The following ENTREP2 variants were observed in gnomAD, a reference collection of about 807,000 sequenced individuals.
ENTREP2 encodes protein ENTREP2.
the ENTREP2 span, among the ~76,000 whole-genome samples, chr15:29,649,731 A>C: frequency 2.1e-4 from 31 of 150,106 alleles, no homozygotes; most frequent in Non-Finnish European, 3.7e-4. Flanking sequence ...CAACAACAAA[A>C]AAAAAAAAAA....
the ENTREP2 span, among the ~76,000 whole-genome samples, chr15:29,545,237 G>T: frequency 6.6e-6 from 1 of 152,128 alleles, no homozygotes. Flanking sequence ...GATACATAAT[G>T]CAATTATGGA....
chr15:29,599,369 A>G, the ENTREP2 span, among the ~76,000 whole-genome samples: 4 of 152,344 alleles, frequency 2.6e-5, no homozygotes, highest in South Asian at 8.3e-4. Flanking sequence ...GAGACAGACC[A>G]TGAGGTTCTG....
At chr15:29,649,005 A>T in the ENTREP2 span, among the ~76,000 whole-genome samples, 1 of 151,910 alleles carries the variant, frequency 6.6e-6, no homozygotes, top group South Asian at 2.1e-4. Context: ...GAGCCATCTC[A>T]AATAGTAGAA....
the ENTREP2 span, among the ~76,000 whole-genome samples, chr15:29,366,625 T>C: frequency 6.6e-6 from 1 of 152,096 alleles, no homozygotes; most frequent in Non-Finnish European, 1.5e-5. Context: ...CACTCATCTC[T>C]CCTCCATCAC....
the ENTREP2 span, among the ~76,000 whole-genome samples, chr15:29,401,311 C>T: frequency 1.3e-5 from 2 of 151,584 alleles, no homozygotes; most frequent in East Asian, 1.9e-4. Context: ...ACAAAGAGCT[C>T]GTATAAATTA....
At chr15:29,662,085 C>A in the ENTREP2 span, among the ~76,000 whole-genome samples, 1 of 151,712 alleles carries the variant, frequency 6.6e-6, no homozygotes, top group Non-Finnish European at 1.5e-5. Flanking sequence ...GTGGTGGGTG[C>A]CTAAAATCCC....
At chr15:29,213,602 G>A in the ENTREP2 span, among the ~76,000 whole-genome samples, 5 of 151,970 alleles carry the variant, frequency 3.3e-5, no homozygotes, top group African/African-American at 1.2e-4. Flanking sequence ...GTCTGTTATT[G>A]GTGTATAAGA....
chr15:29,525,678 G>C, the ENTREP2 span, among the ~76,000 whole-genome samples: 1 of 152,156 alleles, frequency 6.6e-6, no homozygotes, highest in Non-Finnish European at 1.5e-5. Flanking sequence ...ATAATATTCC[G>C]CAAAAGACAA....
At chr15:29,453,549 C>CCCTG in the ENTREP2 span, among the ~76,000 whole-genome samples, 1 of 152,212 alleles carries the variant, frequency 6.6e-6, no homozygotes, top group East Asian at 1.9e-4. Flanking sequence ...GGCCAGAGTG[C>CCCTG]CCTGGGCTGG....
the ENTREP2 span, chr15:29,269,477 C>G: frequency 6.2e-7 from 1 of 1,611,332 alleles, no homozygotes; most frequent in Non-Finnish European, 8.5e-7. Flanking sequence ...CTGGGCCCCA[C>G]GGCGGGGGCG....
chr15:29,268,690 C>A, the ENTREP2 span: 1 of 1,225,214 alleles, frequency 8.2e-7, no homozygotes, highest in Non-Finnish European at 1.1e-6. Flanking sequence ...GAAGCGTTTA[C>A]AGCAATATGC....
chr15:29,132,292 G>C, the ENTREP2 span, among the ~76,000 whole-genome samples: 4 of 152,174 alleles, frequency 2.6e-5, no homozygotes, highest in Non-Finnish European at 5.9e-5. Context: ...CTGGCGGCAC[G>C]GCCTTCCCTC....
chr15:29,176,156 C>T, the ENTREP2 span, among the ~76,000 whole-genome samples: 1 of 119,728 alleles, frequency 8.4e-6, no homozygotes, highest in Admixed American at 8.5e-5. Context: ...GAAGTAATGT[C>T]TCTAATCTGC....
the ENTREP2 span, among the ~76,000 whole-genome samples, chr15:29,174,076 G>A: frequency 1.3e-5 from 2 of 152,236 alleles, no homozygotes; most frequent in East Asian, 3.9e-4. Context: ...TTAATCGTAG[G>A]TGGAAAAAAC....
At chr15:29,557,060 T>C in the ENTREP2 span, among the ~76,000 whole-genome samples, 1 of 152,214 alleles carries the variant, frequency 6.6e-6, no homozygotes, top group South Asian at 2.1e-4. Context: ...CTGCCTGACT[T>C]AGAAAGAACA....
the ENTREP2 span, among the ~76,000 whole-genome samples, chr15:29,566,738 T>C: frequency 1.3e-5 from 1 of 79,824 alleles, no homozygotes; most frequent in African/African-American, 4.2e-5. Context: ...ATTACAGGCA[T>C]GAGCCAACCA....
chr15:29,269,626 G>T, the ENTREP2 span: 1 of 1,570,420 alleles, frequency 6.4e-7, no homozygotes, highest in East Asian at 2.5e-5. Flanking sequence ...CGAAGCCCCG[G>T]GGTTTCCGCT....
At chr15:29,463,536 TGAGAGA>T in the ENTREP2 span, among the ~76,000 whole-genome samples, 1 of 151,860 alleles carries the variant, frequency 6.6e-6, no homozygotes, top group South Asian at 2.1e-4. Flanking sequence ...AATGCACAGA[TGAGAGA>T]GAGAGACGGA....
chr15:29,271,599 T>C, the ENTREP2 span, among the ~76,000 whole-genome samples: 13 of 152,306 alleles, frequency 8.5e-5, no homozygotes, highest in African/African-American at 3.1e-4. Context: ...AGAAGAACAT[T>C]GTATAAAGAA....
Sources: gnomAD v4.1 joint callset for allele counts (sites outside exome capture counted in the v4.1 genomes callset) on GRCh38, gnomAD v4.1.1 for gene constraint, MANE v1.5 for transcripts, NCBI Gene and HGNC (gene_info 2026-07-23, HGNC 2026-07-21) for gene names.